ATG10: variants seen among roughly 807,000 people sequenced by gnomAD.
ATG10 encodes autophagy related 10, also known as ubiquitin-like-conjugating enzyme ATG10.
ATG10 carries 30 observed loss-of-function variants against 32.1 expected under a neutral mutation model. The ratio of observed to expected loss-of-function variants is 0.94; its 90% CI spans 0.70 to 1.27. The LOEUF is 1.27. ATG10 is among the 50% of genes most tolerant of loss of function. ATG10 has a pLI of 0.00. For synonymous variants in ATG10, 87 were observed against 91.5 expected, an observed-to-expected ratio of 0.95 and a Z score of 0.28; for missense variants, 233 against 262.3, an observed-to-expected ratio of 0.89 and a Z score of 0.77.
chr5:82,007,269 A>G (rs1018603146), intron 2 of ATG10, among the ~76,000 whole-genome samples: 4 of 152,232 alleles, frequency 2.6e-5, no homozygotes, highest in African/African-American at 9.6e-5. Flanking sequence ...TTCTTGAATT[A>G]CATAGCCTCG....
chr5:81,983,861 G>A (rs1761160907), intron 1 of ATG10, among the ~76,000 whole-genome samples: 1 of 151,586 alleles, frequency 6.6e-6, no homozygotes, highest in Admixed American at 6.6e-5. Context: ...TCACATCCCA[G>A]ACGGGGCAGC....
intron 5 of ATG10, among the ~76,000 whole-genome samples, chr5:82,219,152 A>C (rs946416301): frequency 1.3e-5 from 2 of 152,244 alleles, no homozygotes; most frequent in African/African-American, 4.8e-5. Context: ...AAAGTATTTT[A>C]AAGTTTTCTA....
At chr5:82,083,555 A>T (rs1294680059) in intron 3 of ATG10, among the ~76,000 whole-genome samples, 1 of 152,204 alleles carries the variant, frequency 6.6e-6, no homozygotes, top group African/African-American at 2.4e-5. Flanking sequence ...CTGACCCCTG[A>T]GTAGCCTAAC....
intron 5 of ATG10, among the ~76,000 whole-genome samples, chr5:82,252,303 C>T (rs1456157635): frequency 6.6e-6 from 1 of 152,198 alleles, no homozygotes; most frequent in Non-Finnish European, 1.5e-5. Context: ...AATGCAACTA[C>T]AGTTTATATT....
chr5:82,219,955 G>T lies in ATG10; in HGVS notation c.454-32607G>T, dbSNP rs193202891. Among the ~76,000 whole-genome samples the T allele has an allele frequency of 2.6e-3, 403 of 152,328 alleles. 1 individual carries two copies. The highest frequency in any genetic ancestry group is 4.6e-3 in the Admixed American group (70 of 15,302). ...TTGCCCTCAAAGAACTTATATTCTGGTGGGGAGATGGCTGTGCAAACAAGC... is the reference window on the plus strand; with the variant it reads ...TTGCCCTCAAAGAACTTATATTCTGTTGGGGAGATGGCTGTGCAAACAAGC... On this transcript the variant is annotated intron_variant, in intron 5 of 7. Coordinates refer to ENST00000282185, the MANE Select transcript of ATG10 (RefSeq NM_031482.5).
intron 1 of ATG10, among the ~76,000 whole-genome samples, chr5:81,986,282 AGTT>A (rs1561240056): frequency 6.6e-6 from 1 of 152,226 alleles, no homozygotes. Flanking sequence ...GTGAACACAC[AGTT>A]AACTGATGGG....
At chr5:82,195,458 G>A (rs952636498) in intron 5 of ATG10, among the ~76,000 whole-genome samples, 1 of 152,174 alleles carries the variant, frequency 6.6e-6, no homozygotes, top group East Asian at 1.9e-4. Context: ...AGGTCATTGA[G>A]GGTCAGCCCA....
intron 2 of ATG10, among the ~76,000 whole-genome samples, chr5:82,014,957 A>G (rs184669973): frequency 8.5e-4 from 130 of 152,312 alleles, no homozygotes; most frequent in Non-Finnish European, 1.2e-3. Context: ...TTTTTGCAGC[A>G]GCTGGTACCG....
intron 4 of ATG10, among the ~76,000 whole-genome samples, chr5:82,176,589 GAC>G (rs1744038044): frequency 6.6e-6 from 1 of 151,810 alleles, no homozygotes; most frequent in Non-Finnish European, 1.5e-5. Flanking sequence ...TGCGCACACA[GAC>G]ACACGCACAC....
At chr5:82,187,851 G>T (rs1186693364) in intron 5 of ATG10, among the ~76,000 whole-genome samples, 1 of 152,058 alleles carries the variant, frequency 6.6e-6, no homozygotes, top group African/African-American at 2.4e-5. Flanking sequence ...GCCTCCCAAA[G>T]TGCTGGGATT....
intron 2 of ATG10, among the ~76,000 whole-genome samples, chr5:82,003,570 A>G (rs1055106087): frequency 2.6e-5 from 4 of 152,256 alleles, no homozygotes; most frequent in Admixed American, 1.3e-4. Flanking sequence ...TTTGAGTACC[A>G]TAAATAACAA....
At chr5:82,237,384 C>A (rs1352462588) in intron 5 of ATG10, among the ~76,000 whole-genome samples, 1 of 152,096 alleles carries the variant, frequency 6.6e-6, no homozygotes. Flanking sequence ...TGGCTCACAC[C>A]TGTAATCTCA....
chr5:82,108,457 T>G (rs1319926732), intron 3 of ATG10, among the ~76,000 whole-genome samples: 4 of 151,946 alleles, frequency 2.6e-5, no homozygotes, highest in Non-Finnish European at 5.9e-5. Flanking sequence ...TATATGTATA[T>G]ATGTGTATAT....
rs1450656294 is a variant in ATG10, at chr5:82,055,314, G to A, written c.109-3181G>A. Among the ~76,000 whole-genome samples the A allele has an allele frequency of 2.6e-5, 4 of 151,968 alleles. No individual in the cohort carries two copies. The East Asian group carries it at 7.7e-4, about 29-fold the overall frequency. On this transcript the variant is annotated intron_variant, in intron 2 of 7. Coordinates refer to ENST00000282185, the MANE Select transcript of ATG10 (RefSeq NM_031482.5). ...CTTCCGTATCGATAATAAAAAAATGGTATTAGAAATTACCTAAAATGTAAG... is the reference window on the plus strand; with the variant it reads ...CTTCCGTATCGATAATAAAAAAATGATATTAGAAATTACCTAAAATGTAAG...
chr5:82,008,821 A>G (rs1455024254), intron 2 of ATG10, among the ~76,000 whole-genome samples: 1 of 152,194 alleles, frequency 6.6e-6, no homozygotes, highest in African/African-American at 2.4e-5. Context: ...GTCTATATCT[A>G]ATCTGACTTA....
At chr5:82,054,398 G>C (rs759050600) in intron 2 of ATG10, among the ~76,000 whole-genome samples, 39 of 152,150 alleles carry the variant, frequency 2.6e-4, no homozygotes, top group Non-Finnish European at 4.7e-4. Context: ...GTCTTAATGA[G>C]CTCGCAGCTT....
At chr5:82,172,223 A>T (rs1423435038) in intron 4 of ATG10, among the ~76,000 whole-genome samples, 8 of 152,230 alleles carry the variant, frequency 5.3e-5, no homozygotes, top group Admixed American at 4.6e-4. Flanking sequence ...ACTAATATGC[A>T]TGTATAACTT....
intron 3 of ATG10, among the ~76,000 whole-genome samples, chr5:82,122,916 T>C (rs750501581): frequency 7.2e-5 from 11 of 152,228 alleles, no homozygotes; most frequent in Admixed American, 1.3e-4. Context: ...GGTGGGAGTG[T>C]AAATTAGTTC....
At chr5:82,027,937 A>C (rs1278584727) in intron 2 of ATG10, among the ~76,000 whole-genome samples, 1 of 152,228 alleles carries the variant, frequency 6.6e-6, no homozygotes, top group Non-Finnish European at 1.5e-5. Flanking sequence ...AAAAGATTTG[A>C]ACATTTTAAG....
Sources: gnomAD v4.1 joint callset for allele counts (sites outside exome capture counted in the v4.1 genomes callset) on GRCh38, gnomAD v4.1.1 for gene constraint, MANE v1.5 for transcripts, NCBI Gene and HGNC (gene_info 2026-07-23, HGNC 2026-07-21) for gene names.